Variants in PLCB4 observed in about 807,000 individuals in gnomAD.
PLCB4 encodes phospholipase C beta 4.
In PLCB4, 77 loss-of-function variants were observed where a neutral mutation model predicts 178.8. The ratio of observed to expected loss-of-function variants is 0.43; its 90% confidence interval spans 0.36 to 0.52. The LOEUF (loss-of-function observed/expected upper bound fraction) is 0.52, where lower values mean the gene tolerates loss of function less well. PLCB4 is among the 20% of genes least tolerant of loss of function. The probability of loss-of-function intolerance (pLI) is 0.00; values close to 1 mark genes in which losing one functional copy is unlikely to be tolerated. For missense variants in PLCB4, 1,024 were observed against 1,453.4 expected, an observed-to-expected ratio of 0.70 and a Z score of 4.80; for synonymous variants, 496 against 490.8, an observed-to-expected ratio of 1.01 and a Z score of -0.14.
chr20:9,122,132 G>T (rs565746300), intron 2 of PLCB4, among the ~76,000 whole-genome samples: 2 of 152,158 alleles, frequency 1.3e-5, no homozygotes, highest in Non-Finnish European at 2.9e-5. Context: ...GAGAGACAAA[G>T]AAACATTATT....
At chr20:9,450,962 C>A (rs2042734156) in intron 32 of PLCB4, among the ~76,000 whole-genome samples, 1 of 152,070 alleles carries the variant, frequency 6.6e-6, no homozygotes, top group Admixed American at 6.6e-5. Flanking sequence ...ACTCAGTTTT[C>A]TAATAAAGAC....
chr20:9,364,610 G>A (rs933144731), intron 8 of PLCB4, among the ~76,000 whole-genome samples: 1 of 152,150 alleles, frequency 6.6e-6, no homozygotes, highest in Non-Finnish European at 1.5e-5. Context: ...CCACAACTTT[G>A]TTTAACTCTT....
intron 1 of PLCB4, among the ~76,000 whole-genome samples, chr20:9,076,385 C>G (rs982753763): frequency 6.6e-6 from 1 of 151,930 alleles, no homozygotes; most frequent in Non-Finnish European, 1.5e-5. Context: ...GAGAATTGCT[C>G]GAACCTCGGA....
intron 3 of PLCB4, among the ~76,000 whole-genome samples, chr20:9,238,007 G>A (rs1216946188): frequency 2.0e-5 from 3 of 152,158 alleles, no homozygotes; most frequent in Admixed American, 1.3e-4. Flanking sequence ...GAATAATCAC[G>A]TAGAGGCATG....
At chr20:9,370,717 C>T (rs2036177957) in intron 9 of PLCB4, among the ~76,000 whole-genome samples, 1 of 151,762 alleles carries the variant, frequency 6.6e-6, no homozygotes, top group Admixed American at 6.6e-5. Flanking sequence ...AGACCAGCCT[C>T]ACCAATATGA....
chr20:9,355,258 C>G (rs1461385540), intron 7 of PLCB4, among the ~76,000 whole-genome samples: 2 of 151,826 alleles, frequency 1.3e-5, no homozygotes, highest in Non-Finnish European at 2.9e-5. Flanking sequence ...TTTCATTTGC[C>G]ATGCTTTTTA....
At chr20:9,289,049 A>G (rs1205842297) in intron 3 of PLCB4, among the ~76,000 whole-genome samples, 2 of 152,114 alleles carry the variant, frequency 1.3e-5, no homozygotes, top group Non-Finnish European at 2.9e-5. Context: ...TTTTATCCCC[A>G]AAACTCAATT....
intron 19 of PLCB4, among the ~76,000 whole-genome samples, chr20:9,399,091 G>T (rs1204528099): frequency 6.6e-6 from 1 of 152,142 alleles, no homozygotes. Context: ...CATCTGTATG[G>T]CTTCATGTAT....
At position 9,352,376 on chromosome 20, in the gene PLCB4, GTGACAAGA is replaced by G. The variant is rs150217910; in HGVS notation, c.370-10518_370-10511del. 6.3e-3 allele frequency among the ~76,000 whole-genome samples: 952 copies of G among 152,232 alleles called. 7 individuals are homozygous for G. The highest frequency in any genetic ancestry group is 0.021 in the African/African-American group (865 of 41,516). ...TATTTGGAAATAGATGCAGTTATTTGTGACAAGATTCTATAGATCCAATAGGACATTGC... is the reference window on the plus strand; with the variant it reads ...TATTTGGAAATAGATGCAGTTATTTGTTCTATAGATCCAATAGGACATTGC... On this transcript the variant is annotated intron_variant, in intron 7 of 39. Coordinates refer to ENST00000378473, the MANE Select transcript of PLCB4 (RefSeq NM_001377142.1).
At chr20:9,404,893 A>G (rs2039320266) in intron 20 of PLCB4, among the ~76,000 whole-genome samples, 2 of 152,138 alleles carry the variant, frequency 1.3e-5, no homozygotes, top group Admixed American at 1.3e-4. Context: ...CCCCATCTTC[A>G]AATGCCATCA....
At chr20:9,333,081 C>T (rs1428648394) in intron 4 of PLCB4, among the ~76,000 whole-genome samples, 1 of 152,196 alleles carries the variant, frequency 6.6e-6, no homozygotes, top group Non-Finnish European at 1.5e-5. Flanking sequence ...CCTGATGCAG[C>T]CCCCTCAATT....
At chr20:9,307,353 A>AC (rs368559675) in intron 3 of PLCB4, among the ~76,000 whole-genome samples, 51 of 151,832 alleles carry the variant, frequency 3.4e-4, no homozygotes, top group African/African-American at 1.2e-3. Context: ...TGCAACTTAT[A>AC]CCCTGTGGGC....
chr20:9,345,962 T>TAA (rs34444362), intron 7 of PLCB4, among the ~76,000 whole-genome samples: 3 of 149,416 alleles, frequency 2.0e-5, no homozygotes, highest in African/African-American at 7.3e-5. Flanking sequence ...TTTGTTTCAC[T>TAA]AAAAAAAAAA....
intron 3 of PLCB4, among the ~76,000 whole-genome samples, chr20:9,298,413 A>G (rs2094664612): frequency 6.6e-6 from 1 of 152,056 alleles, no homozygotes; most frequent in African/African-American, 2.4e-5. Context: ...GAACTTTGTG[A>G]TGGATGAGGA....
At position 9,396,408 on chromosome 20, in the gene PLCB4, TCACCAGAA is replaced by T. The variant is rs1339278503; in HGVS notation, c.1510+791_1510+798del. ...GTTCAAATTCCTTCAAATAACCAGC[TCACCAGAA>T]TTATCTCTGTGTAGCTAGATAATTT... On this transcript the variant is annotated intron_variant, in intron 19 of 39. Coordinates refer to ENST00000378473, the MANE Select transcript of PLCB4 (RefSeq NM_001377142.1). 2.0e-5 allele frequency among the ~76,000 whole-genome samples: 3 copies of T among 152,324 alleles called. No individual in the cohort carries two copies. In the East Asian group the frequency reaches 5.8e-4, roughly 29 times the overall value.
In PLCB4 at chr20:9,352,056, T is replaced by C. The variant is rs114083323; in HGVS notation, c.370-10840T>C. Reference sequence around the variant, plus strand: ...CTGATGGTTGCTGACTGGCTTAAGATGATGCTTTTGGTTTTCTCAACATTT... The same window carrying C: ...CTGATGGTTGCTGACTGGCTTAAGACGATGCTTTTGGTTTTCTCAACATTT... On this transcript the variant is annotated intron_variant, in intron 7 of 39. Coordinates refer to ENST00000378473, the MANE Select transcript of PLCB4 (RefSeq NM_001377142.1). 6.3e-3 allele frequency among the ~76,000 whole-genome samples: 956 copies of C among 152,362 alleles called. 8 individuals carry two copies. Among genetic ancestry groups the C allele is most frequent in the African/African-American group, 0.021 (868 of 41,590 alleles).
At chr20:9,239,284 T>A (rs1296003951) in intron 3 of PLCB4, among the ~76,000 whole-genome samples, 1 of 152,178 alleles carries the variant, frequency 6.6e-6, no homozygotes, top group Non-Finnish European at 1.5e-5. Context: ...TATCCAAGCA[T>A]TTTCTTTGTC....
intron 4 of PLCB4, among the ~76,000 whole-genome samples, chr20:9,314,436 T>C (rs773642640): frequency 8.5e-5 from 13 of 152,096 alleles, no homozygotes; most frequent in Non-Finnish European, 1.3e-4. Context: ...TTTTCTAACC[T>C]GGTGGATGTA....
chr20:9,164,566 A>G (rs1239821967), intron 2 of PLCB4, among the ~76,000 whole-genome samples: 2 of 152,182 alleles, frequency 1.3e-5, no homozygotes, highest in Non-Finnish European at 2.9e-5. Context: ...TTAAAATTAT[A>G]TTAAATATTT....
Sources: gnomAD v4.1 joint callset for allele counts (sites outside exome capture counted in the v4.1 genomes callset) on GRCh38, gnomAD v4.1.1 for gene constraint, MANE v1.5 for transcripts, NCBI Gene and HGNC (gene_info 2026-07-23, HGNC 2026-07-21) for gene names.